Variants in DIP2C observed in about 807,000 individuals in gnomAD.
The protein encoded by DIP2C is DIP2 acetate--CoA ligase C (putative).
Under a neutral mutation model 192.4 loss-of-function variants are expected in DIP2C, and 33 were observed. The observed-to-expected ratio is 0.17, with a 90% CI of 0.13 to 0.23. The LOEUF is 0.23. Among genes scored for constraint, DIP2C ranks in the 10% least tolerant of loss-of-function variants. The pLI, the probability that DIP2C is intolerant of heterozygous loss-of-function variation, is 1.00. For synonymous variants in DIP2C, 979 were observed against 864.1 expected, an observed-to-expected ratio of 1.13 and a Z score of -2.33; for missense variants, 1,537 against 2,110.1, an observed-to-expected ratio of 0.73 and a Z score of 5.32.
chr10:647,693 CTG>C (rs1358399360), intron 1 of DIP2C, among the ~76,000 whole-genome samples: 1 of 148,294 alleles, frequency 6.7e-6, no homozygotes, highest in East Asian at 2.0e-4. Flanking sequence ...CAGAGGGAAA[CTG>C]AGCCCACGTC....
At chr10:684,362 G>A (rs920812731) in intron 1 of DIP2C, among the ~76,000 whole-genome samples, 1 of 152,214 alleles carries the variant, frequency 6.6e-6, no homozygotes, top group Non-Finnish European at 1.5e-5. Flanking sequence ...TCAGATAGAT[G>A]TAACAACGCT....
In DIP2C at chr10:415,842, G is replaced by A; in HGVS notation, c.786C>T (p.Val262=). 1 of 1,613,630 alleles carries A rather than the reference G, an allele frequency of 6.2e-7. No homozygotes were observed. Residue 262 remains valine (V), a synonymous_variant, in exon 7 of 37, where the codon GTC becomes GTT. Transcript: ENST00000280886. The stretch of plus-strand genomic sequence containing the variant: ...GTCGTTTCGGTCGTTTGAGGGTATT[G>A]ACAAGCTGCTGGATTTTTGCTGACA... ...SRVSAKIQQL[V]NTLKRPKRPP...
chr10:529,451 C>T (rs967869107), intron 1 of DIP2C, among the ~76,000 whole-genome samples: 5 of 148,000 alleles, frequency 3.4e-5, no homozygotes, highest in African/African-American at 1.2e-4. Context: ...TCACCTGCTT[C>T]GTTTTCCGTC....
At chr10:621,698 C>T (rs1853862417) in intron 1 of DIP2C, among the ~76,000 whole-genome samples, 1 of 152,184 alleles carries the variant, frequency 6.6e-6, no homozygotes, top group East Asian at 1.9e-4. Flanking sequence ...CATCCTCCCA[C>T]GTGGATCAGG....
At position 651,389 on chromosome 10, in the gene DIP2C, CTG is replaced by C. The variant is rs766526434; in HGVS notation, c.85+38103_85+38104del. 10 of 700,688 alleles carry C rather than the reference CTG, an allele frequency of 1.4e-5. No homozygotes were observed. In the South Asian group the frequency reaches 1.5e-4, roughly 10 times the overall value. 43.4% of individuals were successfully genotyped at this position (700,688 alleles called of 1,614,324 possible). On this transcript the variant is annotated intron_variant, in intron 1 of 36. Coordinates refer to ENST00000280886, the MANE Select transcript of DIP2C (RefSeq NM_014974.3). The surrounding 1 kb of genome is among the most constrained non-coding windows in gnomAD (Gnocchi z 4.1). ...CAGGTCCCAGGGAGGCCCCAGCAAA[CTG>C]TGGAACAACCAAACTCGTGACTGAA... is the stretch of plus-strand genomic sequence containing the variant.
At chr10:545,176 T>C (rs1848220700) in intron 1 of DIP2C, among the ~76,000 whole-genome samples, 1 of 142,860 alleles carries the variant, frequency 7.0e-6, no homozygotes, top group Non-Finnish European at 1.5e-5. Flanking sequence ...CTTTTTTTTT[T>C]TTTTTTTTTT....
intron 22 of DIP2C, among the ~76,000 whole-genome samples, chr10:361,558 T>C (rs938670102): frequency 1.3e-5 from 2 of 152,138 alleles, no homozygotes; most frequent in African/African-American, 2.4e-5. Flanking sequence ...CTGAACTACT[T>C]CCCAGCTGGG....
chr10:436,376 C>T (rs1192800327), intron 4 of DIP2C, among the ~76,000 whole-genome samples: 1 of 152,240 alleles, frequency 6.6e-6, no homozygotes, highest in African/African-American at 2.4e-5. Flanking sequence ...TGACCATGGG[C>T]AGGCTTGGAT....
intron 31 of DIP2C, among the ~76,000 whole-genome samples, chr10:317,441 T>C (rs1042464569): frequency 6.6e-6 from 1 of 152,224 alleles, no homozygotes; most frequent in Non-Finnish European, 1.5e-5. Flanking sequence ...TCTGACACTT[T>C]AGAGAGAGGG....
At chr10:283,829 GATTTC>G (rs139080323) in intron 34 of DIP2C, among the ~76,000 whole-genome samples, 1 of 152,228 alleles carries the variant, frequency 6.6e-6, no homozygotes, top group East Asian at 1.9e-4. Flanking sequence ...AAAGCTTTGA[GATTTC>G]TTTTCTCATT....
intron 24 of DIP2C, among the ~76,000 whole-genome samples, chr10:350,026 T>C (rs1958714933): frequency 6.6e-6 from 1 of 152,190 alleles, no homozygotes; most frequent in South Asian, 2.1e-4. Flanking sequence ...GAAAATACCT[T>C]ACACGAGGGT....
intron 3 of DIP2C, among the ~76,000 whole-genome samples, chr10:459,218 C>T (rs911889653): frequency 6.6e-6 from 1 of 151,954 alleles, no homozygotes; most frequent in African/African-American, 2.4e-5. Context: ...AAACAGACAG[C>T]CAGCCTTGGA....
chr10:295,685 T>A (rs1423817365), intron 32 of DIP2C, among the ~76,000 whole-genome samples: 1 of 151,116 alleles, frequency 6.6e-6, no homozygotes, highest in Non-Finnish European at 1.5e-5. Context: ...AAGGGAACTC[T>A]TATACACTGT....
chr10:492,319 C>A (rs1292405486), intron 1 of DIP2C, among the ~76,000 whole-genome samples: 2 of 152,224 alleles, frequency 1.3e-5, no homozygotes, highest in South Asian at 4.1e-4. Context: ...CCAAGTCCTT[C>A]CCAACCTGGC....
At chr10:416,308 C>CCACCAGCATTCAGCCTCA (rs764805838) in intron 6 of DIP2C, among the ~76,000 whole-genome samples, 13 of 152,204 alleles carry the variant, frequency 8.5e-5, no homozygotes, top group African/African-American at 1.9e-4. Context: ...TCTCCAGAGA[C>CCACCAGCATTCAGCCTCA]CACCAGCATT....
chr10:388,962 C>G (rs1435456299), intron 13 of DIP2C, among the ~76,000 whole-genome samples: 1 of 142,014 alleles, frequency 7.0e-6, no homozygotes, highest in Non-Finnish European at 1.5e-5. Flanking sequence ...GGGGGGTTCT[C>G]TGGAGTCTCA....
At chr10:604,572 G>C (rs2131720872) in intron 1 of DIP2C, among the ~76,000 whole-genome samples, 1 of 152,378 alleles carries the variant, frequency 6.6e-6, no homozygotes, top group Admixed American at 6.5e-5. Flanking sequence ...CGCACCCTGG[G>C]CCCAAGTTTA....
At chr10:338,439 TC>T (rs200938558) in intron 29 of DIP2C, among the ~76,000 whole-genome samples, 5 of 147,556 alleles carry the variant, frequency 3.4e-5, no homozygotes, top group Non-Finnish European at 4.6e-5. Flanking sequence ...TTTTTTTTTT[TC>T]CCACCTTCTA....
chr10:579,816 T>A (rs11253261), intron 1 of DIP2C, among the ~76,000 whole-genome samples: 1 of 151,866 alleles, frequency 6.6e-6, no homozygotes, highest in Non-Finnish European at 1.5e-5. Flanking sequence ...TACACTATAA[T>A]GTGTACATGC....
Sources: allele counts gnomAD v4.1 joint callset (sites outside exome capture counted in the v4.1 genomes callset), GRCh38; gene constraint gnomAD v4.1.1; non-coding constraint Gnocchi (gnomAD v3.1); transcripts MANE v1.5; gene names NCBI Gene and HGNC (gene_info 2026-07-23, HGNC 2026-07-21).